The following ASAP2 variants were observed in gnomAD, a reference collection of about 807,000 sequenced individuals.
ASAP2 encodes ArfGAP with SH3 domain, ankyrin repeat and PH domain 2, also known as arf-GAP with SH3 domain, ANK repeat and PH domain-containing protein 2.
A neutral mutation model predicts 131.4 loss-of-function variants in ASAP2; 45 were observed. That is an observed-to-expected ratio of 0.34 (90% CI 0.27 to 0.44). The LOEUF (loss-of-function observed/expected upper bound fraction) is 0.44, where lower values mean the gene tolerates loss of function less well. Among genes scored for constraint, ASAP2 ranks in the 20% least tolerant of loss-of-function variants. The pLI is 1.00. For synonymous variants in ASAP2, 510 were observed against 503.0 expected, an observed-to-expected ratio of 1.01 and a Z score of -0.19; for missense variants, 1,011 against 1,297.0, an observed-to-expected ratio of 0.78 and a Z score of 3.39.
chr2:9,401,510 A>G, intron 27 of ASAP2, 114 bp downstream of exon 27: 4 of 1,368,080 alleles, frequency 2.9e-6, no homozygotes, highest in Non-Finnish European at 3.9e-6. Flanking sequence ...GTCCAGATGT[A>G]GTTCCTGGTG....
At chr2:9,316,530 C>A (rs1220223682) in intron 3 of ASAP2, among the ~76,000 whole-genome samples, 1 of 152,138 alleles carries the variant, frequency 6.6e-6, no homozygotes, top group Non-Finnish European at 1.5e-5. Flanking sequence ...ACAGAAGCCA[C>A]AGGGGCCCAG....
chr2:9,263,973 G>T (rs1266210409), intron 1 of ASAP2, among the ~76,000 whole-genome samples: 1 of 152,016 alleles, frequency 6.6e-6, no homozygotes, highest in Non-Finnish European at 1.5e-5. Context: ...GGGCGGATCA[G>T]TTGAGGTCAG....
At chr2:9,223,753 C>A (rs1018691733) in intron 1 of ASAP2, among the ~76,000 whole-genome samples, 4 of 152,052 alleles carry the variant, frequency 2.6e-5, no homozygotes, top group Non-Finnish European at 4.4e-5. Flanking sequence ...GAAATAGGAA[C>A]AACAGAGACC....
At chr2:9,221,644 T>G (rs567865640) in intron 1 of ASAP2, among the ~76,000 whole-genome samples, 60 of 152,226 alleles carry the variant, frequency 3.9e-4, no homozygotes, top group Non-Finnish European at 7.9e-4. Flanking sequence ...TGTATATTGA[T>G]CTTATGGCCT....
chr2:9,209,680 C>T (rs1661393163), intron 1 of ASAP2, among the ~76,000 whole-genome samples: 1 of 152,228 alleles, frequency 6.6e-6, no homozygotes, highest in African/African-American at 2.4e-5. Context: ...AGCGATTCTC[C>T]TGCCTCAGCC....
intron 24 of ASAP2, among the ~76,000 whole-genome samples, chr2:9,397,039 CTAGTCT>C (rs1477789145): frequency 6.6e-6 from 1 of 152,186 alleles, no homozygotes; most frequent in African/African-American, 2.4e-5. Context: ...CTGTGCCCTC[CTAGTCT>C]TAAACAGCTA....
intron 12 of ASAP2, among the ~76,000 whole-genome samples, chr2:9,353,973 T>C (rs1436920681): frequency 6.6e-6 from 1 of 152,140 alleles, no homozygotes; most frequent in Non-Finnish European, 1.5e-5. Flanking sequence ...AGACCTTGTC[T>C]CTTTAAAAAA....
intron 1 of ASAP2, among the ~76,000 whole-genome samples, chr2:9,270,393 TTATTTTTTGTTG>T (rs1439991319): frequency 5.9e-5 from 9 of 152,180 alleles, no homozygotes; most frequent in Non-Finnish European, 1.2e-4. Flanking sequence ...TCAAGCTTTG[TTATTTTTTGTTG>T]CTCTAAGATT....
intron 3 of ASAP2, among the ~76,000 whole-genome samples, chr2:9,301,722 G>A (rs1408247057): frequency 6.6e-6 from 1 of 152,118 alleles, no homozygotes; most frequent in Non-Finnish European, 1.5e-5. Flanking sequence ...CAGAGTTGCA[G>A]CATGAGATCT....
intron 7 of ASAP2, among the ~76,000 whole-genome samples, chr2:9,329,374 G>A (rs1247235985): frequency 1.3e-5 from 2 of 152,176 alleles, no homozygotes; most frequent in South Asian, 2.1e-4. Flanking sequence ...GCTATTAGGG[G>A]TTTTGGTGAT....
chr2:9,308,745 G>T (rs1268778187), intron 3 of ASAP2, among the ~76,000 whole-genome samples: 7 of 152,144 alleles, frequency 4.6e-5, no homozygotes, highest in Admixed American at 3.9e-4. Flanking sequence ...GCTGCTAATA[G>T]TTGTGTGATT....
intron 20 of ASAP2, among the ~76,000 whole-genome samples, chr2:9,383,112 G>A (rs192411107): frequency 2.0e-5 from 3 of 151,486 alleles, no homozygotes; most frequent in African/African-American, 4.9e-5. Context: ...GGGGGGCCAC[G>A]GGACTGTTTG....
intron 15 of ASAP2, among the ~76,000 whole-genome samples, chr2:9,367,363 T>C (rs150077291): frequency 2.0e-5 from 3 of 152,068 alleles, no homozygotes; most frequent in Admixed American, 6.5e-5. Context: ...AGCAGAAATA[T>C]CACAAGCGTC....
intron 1 of ASAP2, among the ~76,000 whole-genome samples, chr2:9,253,127 A>G (rs1438230753): frequency 6.6e-6 from 1 of 152,082 alleles, no homozygotes; most frequent in Non-Finnish European, 1.5e-5. Flanking sequence ...AGCTGAATTG[A>G]GGTCTACTCT....
At chr2:9,228,041 T>C (rs1422856971) in intron 1 of ASAP2, among the ~76,000 whole-genome samples, 1 of 152,210 alleles carries the variant, frequency 6.6e-6, no homozygotes, top group Non-Finnish European at 1.5e-5. Flanking sequence ...GAGAGGATAG[T>C]CTAGATAACA....
chr2:9,320,879 G>A, intron 5 of ASAP2, among the ~76,000 whole-genome samples: 1 of 152,174 alleles, frequency 6.6e-6, no homozygotes, highest in East Asian at 1.9e-4. Context: ...TCTACAAGAA[G>A]TAGAATTGGT....
At chr2:9,210,637 C>T (rs1271621325) in intron 1 of ASAP2, among the ~76,000 whole-genome samples, 3 of 151,810 alleles carry the variant, frequency 2.0e-5, no homozygotes, top group Admixed American at 2.0e-4. Context: ...TCACTGCAAG[C>T]CCCGCCTCCC....
At chr2:9,250,003 A>C in intron 1 of ASAP2, among the ~76,000 whole-genome samples, 1 of 151,986 alleles carries the variant, frequency 6.6e-6, no homozygotes, top group Non-Finnish European at 1.5e-5. Flanking sequence ...TGGGTATACA[A>C]CTCTTCCCTT....
At chr2:9,266,104 A>G (rs1032918334) in intron 1 of ASAP2, among the ~76,000 whole-genome samples, 48 of 141,050 alleles carry the variant, frequency 3.4e-4, no homozygotes, top group Non-Finnish European at 2.0e-4. Context: ...GTAATTTTCT[A>G]TTTCTGAAAT....
Sources: gnomAD v4.1 joint callset for allele counts (sites outside exome capture counted in the v4.1 genomes callset) on GRCh38, gnomAD v4.1.1 for gene constraint, MANE v1.5 for transcripts, NCBI Gene and HGNC (gene_info 2026-07-23, HGNC 2026-07-21) for gene names.